Variants in EDEM3 observed in about 807,000 individuals in gnomAD.
The protein encoded by EDEM3 is ER degradation enhancing alpha-mannosidase like protein 3, also known as ER degradation-enhancing alpha-mannosidase-like protein 3.
In EDEM3, 60 loss-of-function variants were observed where a neutral mutation model predicts 110.2. The ratio of observed to expected loss-of-function variants is 0.54; its 90% CI spans 0.44 to 0.67. The LOEUF is 0.67. EDEM3 is among the 30% of genes least tolerant of loss of function. EDEM3 has a pLI of 0.00. For synonymous variants in EDEM3, 352 were observed against 382.9 expected, an observed-to-expected ratio of 0.92 and a Z score of 0.94; for missense variants, 996 against 1,121.0, an observed-to-expected ratio of 0.89 and a Z score of 1.59.
At chr1:184,736,039 T>C (rs943450173) in intron 4 of EDEM3, among the ~76,000 whole-genome samples, 3 of 152,158 alleles carry the variant, frequency 2.0e-5, no homozygotes, top group Non-Finnish European at 4.4e-5. Context: ...CTCCAAAAAA[T>C]GAAGCTGTGA....
At chr1:184,728,965 T>G (rs1350281078) in intron 6 of EDEM3, among the ~76,000 whole-genome samples, 1 of 152,186 alleles carries the variant, frequency 6.6e-6, no homozygotes, top group Non-Finnish European at 1.5e-5. Context: ...CAAGAGGCAC[T>G]ACCATTTCCA....
intron 1 of EDEM3, among the ~76,000 whole-genome samples, chr1:184,752,088 C>T (rs1468156902): frequency 1.3e-5 from 2 of 152,290 alleles, no homozygotes; most frequent in Admixed American, 6.5e-5. Context: ...CTCCTGCCCA[C>T]GTGCTATAGA....
chr1:184,754,236 C>A (rs747351482), intron 1 of EDEM3, among the ~76,000 whole-genome samples: 34 of 152,222 alleles, frequency 2.2e-4, no homozygotes, highest in Non-Finnish European at 4.1e-4. Context: ...CGTTGACACA[C>A]CGCGCCTGGC....
intron 19 of EDEM3, among the ~76,000 whole-genome samples, chr1:184,701,238 AAAC>A (rs1451199776): frequency 1.3e-5 from 2 of 152,040 alleles, no homozygotes; most frequent in African/African-American, 4.8e-5. Context: ...ATAAATACTA[AAAC>A]AACAATGCCT....
At chr1:184,720,257 TAAC>T (rs1488159372) in intron 9 of EDEM3, among the ~76,000 whole-genome samples, 1 of 150,616 alleles carries the variant, frequency 6.6e-6, no homozygotes, top group East Asian at 1.9e-4. Context: ...AATGACTTAT[TAAC>T]TTTTACTAAT....
intron 17 of EDEM3, 31 bp from the exon 18 acceptor site, chr1:184,706,839 T>C (rs202079364): frequency 3.7e-6 from 6 of 1,604,022 alleles, no homozygotes; most frequent in East Asian, 2.2e-5. Flanking sequence ...TTAAATACTT[T>C]AATCTTCTCA....
intron 19 of EDEM3, among the ~76,000 whole-genome samples, chr1:184,694,882 T>C (rs556875749): frequency 3.3e-5 from 5 of 152,194 alleles, no homozygotes; most frequent in South Asian, 2.1e-4. Flanking sequence ...AAACAGCATA[T>C]ATCATTGCTA....
chr1:184,754,741 A>T lies in EDEM3; in HGVS notation c.-95T>A. 7.0e-7 allele frequency: 1 copy of T among 1,418,732 alleles called. No homozygotes were observed. Among genetic ancestry groups the T allele is most frequent in the Non-Finnish European group, 9.1e-7 (1 of 1,093,380 alleles). The allele number at this position is 1,418,732 out of a possible 1,614,324, so 87.9% of individuals were successfully genotyped here. A position where few individuals can be genotyped will look rare whatever the true frequency, so the allele number is the denominator to read the frequency against. ...CCAGGGGGCTGCTAGCCGTGCCGAG[A>T]CGGGGCGGGATGCGGAGTAACACGG... On this transcript the variant is annotated 5_prime_UTR_variant, in exon 1 of 20. Coordinates refer to ENST00000318130, the MANE Select transcript of EDEM3 (RefSeq NM_025191.4).
chr1:184,716,103 A>G (rs1558052063), intron 13 of EDEM3, among the ~76,000 whole-genome samples: 1 of 152,104 alleles, frequency 6.6e-6, no homozygotes, highest in Non-Finnish European at 1.5e-5. Flanking sequence ...TGCCCCTTTA[A>G]TATGTTTCAA....
chr1:184,752,799 T>G (rs1039615024), intron 1 of EDEM3, among the ~76,000 whole-genome samples: 10 of 152,210 alleles, frequency 6.6e-5, no homozygotes, highest in Non-Finnish European at 1.3e-4. Flanking sequence ...TGGGTTTGAA[T>G]GCTGGCTCTA....
chr1:184,723,716 G>T, intron 8 of EDEM3, 35 bp downstream of exon 8: 1 of 1,456,418 alleles, frequency 6.9e-7, no homozygotes, highest in Non-Finnish European at 9.5e-7. Flanking sequence ...TTTTGAGGAT[G>T]CAAAGGCTTG....
intron 5 of EDEM3, among the ~76,000 whole-genome samples, chr1:184,733,599 GC>G (rs2102111450): frequency 6.6e-6 from 1 of 152,286 alleles, no homozygotes; most frequent in Admixed American, 6.5e-5. Context: ...GGAGGCCGAG[GC>G]AGGTGGATCA....
In EDEM3 at chr1:184,692,762, C is replaced by T. The variant is rs1430730791; in HGVS notation, c.*1301G>A. ...TTTTAAGACTTAAATGTGGCCAGCA[C>T]CAGACTACTACAACAACAACAAACC... On this transcript the variant is annotated 3_prime_UTR_variant, in exon 20 of 20. Coordinates refer to ENST00000318130, the MANE Select transcript of EDEM3 (RefSeq NM_025191.4). 6 of 146,034 alleles carry T rather than the reference C, an allele frequency of 4.1e-5. No individual in the cohort carries two copies. Among genetic ancestry groups the T allele is most frequent in the Non-Finnish European group, 7.5e-5 (5 of 66,874 alleles). The allele number at this position is 146,034 out of a possible 1,614,324, so 9.0% of individuals were successfully genotyped here.
intron 6 of EDEM3, among the ~76,000 whole-genome samples, chr1:184,730,736 T>C (rs1651464322): frequency 6.6e-6 from 1 of 152,180 alleles, no homozygotes; most frequent in African/African-American, 2.4e-5. Flanking sequence ...AGCATTGCCC[T>C]ATATCATGCT....
At chr1:184,736,293 T>C (rs973803812) in intron 4 of EDEM3, among the ~76,000 whole-genome samples, 2 of 152,086 alleles carry the variant, frequency 1.3e-5, no homozygotes, top group African/African-American at 4.8e-5. Context: ...AGAAACAACA[T>C]TGAGAAGCCC....
In EDEM3 at chr1:184,729,418, A is replaced by T. The variant is rs535268132; in HGVS notation, c.613-3029T>A. ...AACCTTATATTTTATGGATATAATC[A>T]TCTACTCAACGTTTGTAATGAGGTC... On this transcript the variant is annotated intron_variant, in intron 6 of 19. Transcript: ENST00000318130. 2.0e-3 allele frequency among the ~76,000 whole-genome samples: 312 copies of T among 152,302 alleles called. 1 individual carries two copies. Among genetic ancestry groups the T allele is most frequent in the African/African-American group, 7.1e-3 (296 of 41,552 alleles).
chr1:184,754,582 A>C lies in EDEM3; in HGVS notation c.65T>G (p.Val22Gly). 2.5e-6 allele frequency: 4 copies of C among 1,611,996 alleles called. No individual in the cohort carries two copies. Among genetic ancestry groups the C allele is most frequent in the Non-Finnish European group, 3.4e-6 (4 of 1,179,444 alleles). The change falls in exon 1 of 20, where the codon GTG becomes GGG. Residue 22 changes from valine to glycine, a missense_variant. Physicochemically the swap from Val to Gly is moderately radical, Grantham distance 109. Around this residue, in one of 5 missense-constraint regions of EDEM3, gnomAD observed 200 missense variants for 183.8 expected, o/e 1.09. Transcript: ENST00000318130. Reference sequence around the variant, plus strand: ...CAGGCAGAACGCGGCCGTCGCCGCCACTAGTCTCCATCGCGCTCGCTGGGG... The same window carrying C: ...CAGGCAGAACGCGGCCGTCGCCGCCCCTAGTCTCCATCGCGCTCGCTGGGG... ...PVPQRARWRL[V>G]AATAAFCLVS...
intron 2 of EDEM3, among the ~76,000 whole-genome samples, chr1:184,740,793 G>C (rs1253351271): frequency 6.6e-6 from 1 of 152,158 alleles, no homozygotes; most frequent in African/African-American, 2.4e-5. Flanking sequence ...CTACAGATAA[G>C]CAGCCACAGA....
chr1:184,727,612 TCAA>T (rs1189841292), intron 6 of EDEM3, among the ~76,000 whole-genome samples: 1 of 152,028 alleles, frequency 6.6e-6, no homozygotes, highest in Non-Finnish European at 1.5e-5. Flanking sequence ...AAACACCCCC[TCAA>T]CAACAACAAA....
Sources: allele counts gnomAD v4.1 joint callset (sites outside exome capture counted in the v4.1 genomes callset), GRCh38; gene constraint gnomAD v4.1.1; regional missense constraint gnomAD v4.1.1; transcripts MANE v1.5; gene names NCBI Gene and HGNC (gene_info 2026-07-23, HGNC 2026-07-21).